Variants in ADAM28 observed in about 807,000 individuals in gnomAD.
ADAM28 encodes ADAM metallopeptidase domain 28.
Under a neutral mutation model 101.2 loss-of-function variants are expected in ADAM28, and 105 were observed. The observed-to-expected ratio is 1.04, with a 90% CI of 0.89 to 1.22. The LOEUF is 1.22. ADAM28 is among the 50% of genes most tolerant of loss of function. The pLI is 0.00. For missense variants in ADAM28, 1,028 were observed against 945.4 expected (o/e 1.09, Z -1.15); for synonymous variants, 322 against 310.6 (o/e 1.04, Z -0.39).
In ADAM28 at chr8:24,351,972, C is replaced by T. The variant is rs753246997; in HGVS notation, c.2179-15C>T. 2.5e-5 allele frequency: 40 copies of T among 1,612,520 alleles called. No homozygotes were observed. Among genetic ancestry groups the T allele is most frequent in the Non-Finnish European group, 3.1e-5 (37 of 1,179,034 alleles). ...AACTAATGGTTCATTTTGAAATATT[C>T]GTTCTTCTTTTCAGATGAGTCAGAT... On this transcript the variant is annotated splice_polypyrimidine_tract_variant and intron_variant, in intron 20 of 22. Coordinates refer to ENST00000265769, the MANE Select transcript of ADAM28 (RefSeq NM_014265.6).
At chr8:24,340,095 C>CG (rs1367209600) in intron 15 of ADAM28, among the ~76,000 whole-genome samples, 1 of 151,954 alleles carries the variant, frequency 6.6e-6, no homozygotes, top group Admixed American at 6.6e-5. Flanking sequence ...TACTGATATC[C>CG]GGGAAAACAC....
intron 18 of ADAM28, among the ~76,000 whole-genome samples, chr8:24,346,477 A>T (rs1815411621): frequency 6.6e-6 from 1 of 152,100 alleles, no homozygotes; most frequent in Non-Finnish European, 1.5e-5. Context: ...GCTTCCTTTA[A>T]ATCTTATGCC....
intron 5 of ADAM28, 22 bp from the exon 6 acceptor site, chr8:24,313,366 C>CAGA: frequency 6.3e-7 from 1 of 1,588,018 alleles, no homozygotes; most frequent in East Asian, 2.3e-5. Context: ...GTTAAGAAGC[C>CAGA]AGAACTCTCA....
intron 7 of ADAM28, 68 bp downstream of exon 7, chr8:24,320,375 G>T: frequency 9.8e-7 from 1 of 1,024,186 alleles, no homozygotes; most frequent in South Asian, 1.5e-5. Flanking sequence ...TATTATGTGA[G>T]ACATTAAATA....
intron 21 of ADAM28, 50 bp downstream of exon 21, chr8:24,352,102 A>C (rs756582660): frequency 9.2e-6 from 14 of 1,529,530 alleles, no homozygotes; most frequent in Non-Finnish European, 1.3e-5. Context: ...TCTCCAGGAA[A>C]TATCGGTGAA....
chr8:24,306,237 G>A (rs1707436277), intron 2 of ADAM28, among the ~76,000 whole-genome samples: 1 of 151,160 alleles, frequency 6.6e-6, no homozygotes. Context: ...CAGCTTCTCA[G>A]GAGGCTGAGG....
chr8:24,308,173 G>T (rs1488870282), intron 2 of ADAM28, among the ~76,000 whole-genome samples: 1 of 152,120 alleles, frequency 6.6e-6, no homozygotes, highest in Non-Finnish European at 1.5e-5. Context: ...TATAGTGAGT[G>T]CTCTCCAAAT....
At chr8:24,324,126 A>G in intron 9 of ADAM28, 123 bp downstream of exon 9, 1 of 745,734 alleles carries the variant, frequency 1.3e-6, no homozygotes, top group Non-Finnish European at 2.0e-6. Context: ...CTTGGATTAT[A>G]TGTCAAATAT....
chr8:24,295,195 C>G (rs1283536258), intron 1 of ADAM28, among the ~76,000 whole-genome samples: 2 of 152,130 alleles, frequency 1.3e-5, no homozygotes, highest in African/African-American at 4.8e-5. Context: ...AACCTAATAT[C>G]TTTAAATATC....
chr8:24,302,212 A>G (rs1808871968), intron 2 of ADAM28, among the ~76,000 whole-genome samples: 1 of 152,078 alleles, frequency 6.6e-6, no homozygotes, highest in South Asian at 2.1e-4. Flanking sequence ...GTTCCTGTGT[A>G]AGTTCACTGT....
At chr8:24,352,091 A>T (rs1009673936) in intron 21 of ADAM28, 39 bp downstream of exon 21, 1 of 1,568,216 alleles carries the variant, frequency 6.4e-7, no homozygotes, top group Non-Finnish European at 8.8e-7. Context: ...CCCTAGTTCA[A>T]TCTCCAGGAA....
intron 2 of ADAM28, among the ~76,000 whole-genome samples, chr8:24,305,781 G>C (rs1414427876): frequency 2.0e-5 from 3 of 152,054 alleles, no homozygotes; most frequent in Non-Finnish European, 4.4e-5. Flanking sequence ...GTGTAGAAGA[G>C]AATATATTAT....
Position 24,298,224 on chromosome 8 carries a change from T to A in ADAM28, c.47-1750T>A, listed in dbSNP as rs534970653. Among the ~76,000 whole-genome samples, 11 of 152,326 alleles carry A rather than the reference T, an allele frequency of 7.2e-5. No homozygotes were observed. The South Asian group carries it at 2.1e-3, about 29-fold the overall frequency. On this transcript the variant is annotated intron_variant, in intron 1 of 22. Transcript: ENST00000265769. ...ATAAGGTATTCTAATGTCAGTGCCATGGCTTTAAGTAATTTTGAATTTTTT... is the reference window on the plus strand; with the variant it reads ...ATAAGGTATTCTAATGTCAGTGCCAAGGCTTTAAGTAATTTTGAATTTTTT...
intron 17 of ADAM28, 55 bp downstream of exon 17, chr8:24,343,236 T>TC: frequency 6.3e-7 from 1 of 1,574,920 alleles, no homozygotes; most frequent in Non-Finnish European, 8.7e-7. Flanking sequence ...ACATTCTAGG[T>TC]CAGTCATAAG....
intron 4 of ADAM28, among the ~76,000 whole-genome samples, chr8:24,310,663 C>T (rs1810331463): frequency 1.3e-5 from 2 of 152,120 alleles, no homozygotes; most frequent in Admixed American, 1.3e-4. Flanking sequence ...CCCATCTTTT[C>T]TTAGACTGAG....
In ADAM28 at chr8:24,300,593, T is replaced by C. The variant is rs569917097; in HGVS notation, c.150+516T>C. Among the ~76,000 whole-genome samples the C allele has an allele frequency of 2.0e-5, 3 of 152,202 alleles. No individual in the cohort carries two copies. In the South Asian group the frequency reaches 6.2e-4, roughly 32 times the overall value. On this transcript the variant is annotated intron_variant, in intron 2 of 22. Coordinates refer to ENST00000265769, the MANE Select transcript of ADAM28 (RefSeq NM_014265.6). ...ACCACGCTCGGCTAATTTTTTTGTA[T>C]TTTTAGTTGAGACGGGGTTTCACTG...
intron 6 of ADAM28, among the ~76,000 whole-genome samples, chr8:24,316,075 T>A (rs1361925446): frequency 1.3e-5 from 2 of 151,358 alleles, no homozygotes; most frequent in Non-Finnish European, 3.0e-5. Context: ...TATTTATTTA[T>A]TTATTTATTT....
rs1563305343 is a variant in ADAM28, at chr8:24,331,223, A to G, written c.1177A>G (p.Asn393Asp). The change falls in exon 12 of 23, where the codon AAT (asparagine) becomes GAT (aspartate). Residue 393 changes from asparagine to aspartate, a missense_variant. Physicochemically the swap from Asn to Asp is conservative, Grantham distance 23. Coordinates refer to ENST00000265769, the MANE Select transcript of ADAM28 (RefSeq NM_014265.6). The stretch of plus-strand genomic sequence containing the variant: ...CAAGTTTTTTGAAGATAAATTATCA[A>G]ATTGCCTCTTTAATGCTCCATTGCC... ...YDKFFEDKLS[N>D]CLFNAPLPTD... 1.9e-6 allele frequency: 3 copies of G among 1,613,530 alleles called. No individual in the cohort carries two copies. Among genetic ancestry groups the G allele is most frequent in the Non-Finnish European group, 2.5e-6 (3 of 1,179,662 alleles).
At chr8:24,294,332 G>C in intron 1 of ADAM28, 137 bp downstream of exon 1, 1 of 1,028,948 alleles carries the variant, frequency 9.7e-7, no homozygotes, top group Non-Finnish European at 1.4e-6. Context: ...AACCAGTTGG[G>C]CTGGTTTTAA....
Sources: allele counts gnomAD v4.1 joint callset (sites outside exome capture counted in the v4.1 genomes callset), GRCh38; gene constraint gnomAD v4.1.1; transcripts MANE v1.5; gene names NCBI Gene and HGNC (gene_info 2026-07-23, HGNC 2026-07-21).